DTHD1: variants seen among roughly 807,000 people sequenced by gnomAD.
The protein encoded by DTHD1 is death domain-containing protein 1.
Under a neutral mutation model 74.8 loss-of-function variants are expected in DTHD1, and 59 were observed. The ratio of observed to expected loss-of-function variants is 0.79; its 90% CI spans 0.64 to 0.98. The LOEUF is 0.98. DTHD1 is among the 50% of genes least tolerant of loss of function. The probability of loss-of-function intolerance (pLI) is 0.00; values close to 1 mark genes in which losing one functional copy is unlikely to be tolerated. For synonymous variants in DTHD1, 365 were observed against 371.1 expected (o/e 0.98, Z 0.19); for missense variants, 1,051 against 1,065.4 (o/e 0.99, Z 0.19).
chr4:36,340,495 G>T (rs80248033), intron 9 of DTHD1, among the ~76,000 whole-genome samples: 21 of 152,304 alleles, frequency 1.4e-4, no homozygotes, highest in African/African-American at 4.6e-4. Flanking sequence ...TAAGAAATAG[G>T]CTTTGAAAAA....
intron 8 of DTHD1, among the ~76,000 whole-genome samples, chr4:36,337,764 T>G (rs1759092804): frequency 6.6e-6 from 1 of 152,232 alleles, no homozygotes; most frequent in Non-Finnish European, 1.5e-5. Context: ...CAGATTCAAC[T>G]AACTTGTATT....
intron 4 of DTHD1, among the ~76,000 whole-genome samples, chr4:36,293,997 A>G (rs1392928430): frequency 2.0e-5 from 3 of 152,030 alleles, no homozygotes; most frequent in Non-Finnish European, 4.4e-5. Flanking sequence ...TTGCATGGCT[A>G]TGAAAGAATT....
At chr4:36,304,596 C>A (rs1756943511) in intron 5 of DTHD1, among the ~76,000 whole-genome samples, 1 of 152,196 alleles carries the variant, frequency 6.6e-6, no homozygotes, top group South Asian at 2.1e-4. Context: ...ACATTCTGGT[C>A]TCCATTCACA....
At chr4:36,334,760 A>G (rs1560819174) in intron 8 of DTHD1, among the ~76,000 whole-genome samples, 1 of 152,206 alleles carries the variant, frequency 6.6e-6, no homozygotes, top group Non-Finnish European at 1.5e-5. Flanking sequence ...CGGAGATCTG[A>G]AATGTGTTCT....
intron 5 of DTHD1, among the ~76,000 whole-genome samples, chr4:36,304,314 A>G (rs957895217): frequency 2.0e-5 from 3 of 152,226 alleles, no homozygotes; most frequent in Admixed American, 6.5e-5. Context: ...TCCAAGGGTT[A>G]TAGAATTTAC....
chr4:36,286,172 T>C (rs1451424014), intron 2 of DTHD1, among the ~76,000 whole-genome samples: 1 of 152,192 alleles, frequency 6.6e-6, no homozygotes, highest in Non-Finnish European at 1.5e-5. Context: ...TTGTAAGAAT[T>C]ACCGCTCCAA....
intron 3 of DTHD1, among the ~76,000 whole-genome samples, chr4:36,290,954 C>A (rs1314844802): frequency 6.6e-6 from 1 of 152,156 alleles, no homozygotes; most frequent in Non-Finnish European, 1.5e-5. Context: ...ACCTAGGAAA[C>A]AAAACCAAAA....
rs1367180595 is a variant in DTHD1 at position 36,346,517 on chromosome 4, CTCTCT to C, written c.*2695_*2699del. 1.3e-5 allele frequency among the ~76,000 whole-genome samples: 2 copies of C among 152,012 alleles called. No individual in the cohort carries two copies. The highest frequency in any genetic ancestry group is 4.8e-5 in the African/African-American group (2 of 41,396). Reference sequence around the variant, plus strand: ...CAATTGATCATCCCTGCAGCATCTCCTCTCTTAAGATAATCCAGGAAATCAATCCC... The same window carrying C: ...CAATTGATCATCCCTGCAGCATCTCCTAAGATAATCCAGGAAATCAATCCC... On this transcript the variant is annotated 3_prime_UTR_variant, in exon 10 of 10. Transcript: ENST00000639862.
chr4:36,341,628 T>C (rs1469430026), intron 9 of DTHD1, among the ~76,000 whole-genome samples: 2 of 152,212 alleles, frequency 1.3e-5, no homozygotes, highest in Non-Finnish European at 2.9e-5. Context: ...AGTTTGTTGA[T>C]CACATTCAAC....
At chr4:36,283,887 C>T in intron 1 of DTHD1, 89 bp from the exon 2 acceptor site, 1 of 942,792 alleles carries the variant, frequency 1.1e-6, no homozygotes. Context: ...CTAAAATTAT[C>T]TTGCCATGTT....
chr4:36,281,935 C>T lies in DTHD1; in HGVS notation c.177C>T (p.His59=). The change falls in exon 1 of 10, where the codon CAC becomes CAT. Residue 59 remains histidine (H), a synonymous_variant. Coordinates refer to ENST00000639862, the MANE Select transcript of DTHD1 (RefSeq NM_001170700.3). The part of the protein sequence containing the change: ...FLGQELSSAL[H]QLLEHTSGTL... ...GTCAGGAACTCAGCAGTGCCCTTCA[C>T]CAGCTGCTGGAGCACACCTCAGGCA... The T allele has an allele frequency of 2.2e-6, 3 of 1,357,362 alleles. No individual in the cohort carries two copies. Among genetic ancestry groups the T allele is most frequent in the South Asian group, 2.1e-5 (1 of 48,026 alleles). 84.1% of individuals were successfully genotyped at this position (1,357,362 alleles called of 1,614,324 possible). A position where few individuals can be genotyped will look rare whatever the true frequency, so the allele number is the denominator to read the frequency against.
chr4:36,340,621 T>C (rs1759263218), intron 9 of DTHD1, among the ~76,000 whole-genome samples: 1 of 152,210 alleles, frequency 6.6e-6, no homozygotes, highest in African/African-American at 2.4e-5. Context: ...TTGATTATTC[T>C]GATTTTAGAA....
chr4:36,326,067 C>T (rs1758325598), intron 8 of DTHD1, among the ~76,000 whole-genome samples: 2 of 152,242 alleles, frequency 1.3e-5, no homozygotes, highest in Non-Finnish European at 2.9e-5. Context: ...TTTTATATTA[C>T]ATTTCCCCAA....
chr4:36,325,424 G>A (rs1758285801), intron 8 of DTHD1, among the ~76,000 whole-genome samples: 1 of 152,186 alleles, frequency 6.6e-6, no homozygotes, highest in African/African-American at 2.4e-5. Context: ...AACTAGGAGA[G>A]TGATATGATC....
At chr4:36,334,321 C>T (rs1453329260) in intron 8 of DTHD1, among the ~76,000 whole-genome samples, 1 of 151,394 alleles carries the variant, frequency 6.6e-6, no homozygotes, top group African/African-American at 2.4e-5. Flanking sequence ...CAGGAACACT[C>T]AGGTTTGAGA....
chr4:36,290,495 G>A lies in DTHD1; in HGVS notation c.1010G>A (p.Gly337Asp), dbSNP rs2109453259. Reference sequence around the variant, plus strand: ...AATCACATGAGTTCTTTAATAGTGGGTGATAATGAAGAGTTAGTTAGCAAC... The same window carrying A: ...AATCACATGAGTTCTTTAATAGTGGATGATAATGAAGAGTTAGTTAGCAAC... ...IINHMSSLIV[G>D]DNEELVSNVI... Residue 337 changes from glycine (G) to aspartate (D), a missense_variant, in exon 3 of 10, where the codon GGT becomes GAT. Coordinates refer to ENST00000639862, the MANE Select transcript of DTHD1 (RefSeq NM_001170700.3). The A allele has an allele frequency of 6.4e-7, 1 of 1,551,704 alleles. No individual in the cohort carries two copies. Among genetic ancestry groups the A allele is most frequent in the Non-Finnish European group, 8.7e-7 (1 of 1,146,984 alleles).
chr4:36,325,294 T>G (rs1758276970), intron 8 of DTHD1, among the ~76,000 whole-genome samples: 1 of 152,178 alleles, frequency 6.6e-6, no homozygotes, highest in African/African-American at 2.4e-5. Flanking sequence ...CTGATACTCT[T>G]GAAACTGGTA....
chr4:36,307,814 G>A (rs779344099), intron 6 of DTHD1, among the ~76,000 whole-genome samples: 29 of 152,152 alleles, frequency 1.9e-4, no homozygotes, highest in Non-Finnish European at 2.9e-4. Flanking sequence ...GAGACTGTAT[G>A]ACTTCTTCGT....
chr4:36,305,656 T>C (rs573002220), intron 5 of DTHD1, among the ~76,000 whole-genome samples: 1 of 152,260 alleles, frequency 6.6e-6, no homozygotes, highest in South Asian at 2.1e-4. Flanking sequence ...AATCAAATAA[T>C]TTGCCCATGG....
Sources: gnomAD v4.1 joint callset for allele counts (sites outside exome capture counted in the v4.1 genomes callset) on GRCh38, gnomAD v4.1.1 for gene constraint, MANE v1.5 for transcripts, NCBI Gene and HGNC (gene_info 2026-07-23, HGNC 2026-07-21) for gene names.